Variants in MRAP observed in about 807,000 individuals in gnomAD.
The protein encoded by MRAP is melanocortin 2 receptor accessory protein.
In MRAP, 8 loss-of-function variants were observed where a neutral mutation model predicts 8.7. That is an observed-to-expected ratio of 0.92 (90% CI 0.54 to 1.66). The LOEUF is 1.66. Among genes scored for constraint, MRAP ranks in the 40% most tolerant of loss-of-function variants. The pLI, the probability that MRAP is intolerant of heterozygous loss-of-function variation, is 0.00. For missense variants in MRAP, 237 were observed against 217.1 expected, an observed-to-expected ratio of 1.09 and a Z score of -0.58; for synonymous variants, 95 against 95.5, an observed-to-expected ratio of 1.00 and a Z score of 0.03.
At chr21:32,305,539 G>A (rs1267016658) in intron 1 of MRAP, among the ~76,000 whole-genome samples, 1 of 152,184 alleles carries the variant, frequency 6.6e-6, no homozygotes, top group Non-Finnish European at 1.5e-5. Context: ...AGGAGGAGGA[G>A]GTTGGGGGTG....
At position 32,311,696 on chromosome 21, in the gene MRAP, G is replaced by A. The variant is rs201238667; in HGVS notation, c.219G>A (p.Lys73=). ...GCTCTGTTCACAGGAACAGCCCCAA[G>A]CACCACCAAACATGCCCCTGGAGTC... is the stretch of plus-strand genomic sequence containing the variant. ...SASPQMRNSP[K]HHQTCPWSHG... Residue 73 remains lysine, a synonymous_variant, in exon 3 of 3, where the codon AAG becomes AAA. Transcript: ENST00000303645. 411 of 1,613,918 alleles carry A rather than the reference G, an allele frequency of 2.5e-4. 1 individual carries two copies. Among genetic ancestry groups the A allele is most frequent in the Middle Eastern group, 1.2e-3 (7 of 6,058 alleles).
chr21:32,299,417 C>CTCGACTGCCCTGGG (rs2032206919), intron 1 of MRAP, among the ~76,000 whole-genome samples: 1 of 152,180 alleles, frequency 6.6e-6, no homozygotes, highest in Non-Finnish European at 1.5e-5. Context: ...TCACTGCAAC[C>CTCGACTGCCCTGGG]TCGACTGCCC....
chr21:32,294,831 T>C (rs183785801), upstream of MRAP, among the ~76,000 whole-genome samples: 1 of 152,218 alleles, frequency 6.6e-6, no homozygotes, highest in East Asian at 1.9e-4. Flanking sequence ...CATAAGCTGG[T>C]ATCTCTCTCC....
rs979256644 is a variant in MRAP, at chr21:32,306,701, C to T, written c.168C>T (p.Ile56=). Residue 56 remains isoleucine (I), a synonymous_variant, in exon 2 of 3, where the codon ATC becomes ATT. Coordinates refer to ENST00000303645, the MANE Select transcript of MRAP (RefSeq NM_001379228.1). The part of the protein sequence containing the change: ...LAAFVVLLFL[I]LLYMSWSASP... ...CCTTCGTGGTGCTGCTCTTCCTCAT[C>T]TTGCTCTACATGTCCTGGTCCGCCT... 1.2e-6 allele frequency: 2 copies of T among 1,614,050 alleles called. No individual in the cohort carries two copies. Among genetic ancestry groups the T allele is most frequent in the Non-Finnish European group, 8.5e-7 (1 of 1,180,034 alleles).
intron 1 of MRAP, among the ~76,000 whole-genome samples, chr21:32,305,090 A>C (rs1180107179): frequency 6.9e-6 from 1 of 144,624 alleles, no homozygotes; most frequent in African/African-American, 2.6e-5. Flanking sequence ...CTCCGACCCC[A>C]GCCTCATGAA....
upstream of MRAP, among the ~76,000 whole-genome samples, chr21:32,296,723 T>C (rs535278647): frequency 6.6e-6 from 1 of 152,280 alleles, no homozygotes; most frequent in South Asian, 2.1e-4. Context: ...GTGTTAGATA[T>C]AAACATATCT....
chr21:32,296,336 T>C (rs989033608), upstream of MRAP, among the ~76,000 whole-genome samples: 6 of 152,186 alleles, frequency 3.9e-5, no homozygotes, highest in African/African-American at 1.2e-4. Context: ...CAGCCCAGAA[T>C]AGTGTTATTT....
At chr21:32,293,430 A>G (rs983474473) in intron 2 of MRAP, among the ~76,000 whole-genome samples, 1 of 152,218 alleles carries the variant, frequency 6.6e-6, no homozygotes, top group Non-Finnish European at 1.5e-5. Context: ...ATAGCACACT[A>G]ATGCACCCAG....
At chr21:32,303,342 G>A (rs1280426137) in intron 1 of MRAP, among the ~76,000 whole-genome samples, 1 of 152,106 alleles carries the variant, frequency 6.6e-6, no homozygotes, top group Non-Finnish European at 1.5e-5. Context: ...AAGAATGGAG[G>A]AATGCTAAAA....
chr21:32,300,558 T>C (rs948639827), intron 1 of MRAP, among the ~76,000 whole-genome samples: 1 of 150,732 alleles, frequency 6.6e-6, no homozygotes, highest in Non-Finnish European at 1.5e-5. Flanking sequence ...GTGTCCTATG[T>C]CAGATGTTTC....
In MRAP at chr21:32,300,495, G is replaced by A. The variant is rs141550693; in HGVS notation, c.106+1418G>A. 1.7e-4 allele frequency among the ~76,000 whole-genome samples: 26 copies of A among 150,496 alleles called. No homozygotes were observed. The East Asian group carries it at 1.8e-3, about 10-fold the overall frequency. ...TCAGGGGCGCCATGCGTCCTATGTCGGATGTGTCACGCATCCTATGTCACG... is the reference window on the plus strand; with the variant it reads ...TCAGGGGCGCCATGCGTCCTATGTCAGATGTGTCACGCATCCTATGTCACG... On this transcript the variant is annotated intron_variant, in intron 1 of 2. Coordinates refer to ENST00000303645, the MANE Select transcript of MRAP (RefSeq NM_001379228.1).
At chr21:32,302,837 A>C (rs556628468) in intron 1 of MRAP, among the ~76,000 whole-genome samples, 1 of 152,120 alleles carries the variant, frequency 6.6e-6, no homozygotes, top group Admixed American at 6.5e-5. Flanking sequence ...ACCTTGTCAC[A>C]TTGTTCTCTG....
intron 1 of MRAP, among the ~76,000 whole-genome samples, chr21:32,302,947 G>C (rs1323779720): frequency 6.6e-6 from 1 of 150,870 alleles, no homozygotes; most frequent in African/African-American, 2.4e-5. Context: ...GCTGACCTTA[G>C]AGTTGACAGT....
At chr21:32,311,464 A>T (rs2032569163) in intron 2 of MRAP, 2 of 235,162 alleles carry the variant, frequency 8.5e-6, no homozygotes, top group Admixed American at 1.1e-4. Context: ...CCAGGGAAAG[A>T]CCTGAGGCCT....
At chr21:32,304,067 C>G (rs545348026) in intron 1 of MRAP, among the ~76,000 whole-genome samples, 3 of 152,282 alleles carry the variant, frequency 2.0e-5, no homozygotes, top group African/African-American at 7.2e-5. Flanking sequence ...AAGCTGTTCC[C>G]TTAGATCCCT....
At chr21:32,300,442 CTA>C (rs1201644418) in intron 1 of MRAP, among the ~76,000 whole-genome samples, 5 of 150,124 alleles carry the variant, frequency 3.3e-5, no homozygotes, top group African/African-American at 9.8e-5. Context: ...GTCATGCGTC[CTA>C]TGTCAGATGT....
At chr21:32,300,953 TATC>T (rs763589327) in intron 1 of MRAP, among the ~76,000 whole-genome samples, 61 of 148,574 alleles carry the variant, frequency 4.1e-4, no homozygotes, top group South Asian at 1.9e-3. Context: ...ATCAATGATA[TATC>T]ATGATTTCAA....
upstream of MRAP, among the ~76,000 whole-genome samples, chr21:32,296,619 T>C (rs972701443): frequency 2.6e-5 from 4 of 152,160 alleles, no homozygotes; most frequent in African/African-American, 9.7e-5. Context: ...TAGCCTATTG[T>C]CTCCAAGGCT....
rs776636144 is a variant in MRAP at position 32,299,113 on chromosome 21, C to G, written c.106+36C>G. ...ACTAGGGAAGCCGGTCAGACAGAGG[C>G]TGGGGGCCGGGGCCCAAATGACTGG... On this transcript the variant is annotated intron_variant, in intron 1 of 2. Transcript: ENST00000303645. 1.7e-5 allele frequency: 27 copies of G among 1,566,666 alleles called. No homozygotes were observed. In the African/African-American group the frequency reaches 3.2e-4, roughly 19 times the overall value.
Sources: gnomAD v4.1 joint callset for allele counts (sites outside exome capture counted in the v4.1 genomes callset) on GRCh38, gnomAD v4.1.1 for gene constraint, MANE v1.5 for transcripts, NCBI Gene and HGNC (gene_info 2026-07-23, HGNC 2026-07-21) for gene names.